RBFOX1: variants seen among roughly 807,000 people sequenced by gnomAD.
RBFOX1 encodes the protein RNA binding fox-1 homolog 1, also known as RNA binding protein fox-1 homolog 1.
In RBFOX1, 8 loss-of-function variants were observed where a neutral mutation model predicts 57.7. The ratio of observed to expected loss-of-function variants is 0.14; its 90% CI spans 0.08 to 0.25. The LOEUF is 0.25. Ranked by LOEUF, RBFOX1 falls within the 10% of genes least tolerant of loss-of-function variation. RBFOX1 has a pLI of 1.00. For missense variants in RBFOX1, 611 were observed against 548.5 expected, an observed-to-expected ratio of 1.11 and a Z score of -1.14; for synonymous variants, 326 against 222.4, an observed-to-expected ratio of 1.47 and a Z score of -4.15.
intron 4 of RBFOX1, among the ~76,000 whole-genome samples, chr16:7,422,127 A>T (rs1047098217): frequency 2.6e-5 from 4 of 152,144 alleles, no homozygotes; most frequent in Non-Finnish European, 5.9e-5. Flanking sequence ...ATTCTGGGCC[A>T]CATCGTATTT....
chr16:7,469,403 G>A (rs1201065972), intron 4 of RBFOX1, among the ~76,000 whole-genome samples: 1 of 152,112 alleles, frequency 6.6e-6, no homozygotes, highest in Non-Finnish European at 1.5e-5. Context: ...ATGAGGCTAT[G>A]TTTGTCTCAT....
intron 2 of RBFOX1, among the ~76,000 whole-genome samples, chr16:6,409,409 G>T (rs771079941): frequency 2.6e-5 from 4 of 152,060 alleles, no homozygotes; most frequent in Non-Finnish European, 5.9e-5. Context: ...AGCGAAACCC[G>T]GTCTCAAAAC....
At chr16:6,027,922 A>G (rs2095227105) in intron 1 of RBFOX1, among the ~76,000 whole-genome samples, 2 of 152,238 alleles carry the variant, frequency 1.3e-5, no homozygotes, top group South Asian at 2.1e-4. Flanking sequence ...GGATGCTGAC[A>G]GCAGCCATAT....
chr16:7,266,264 C>T (rs557257846), intron 4 of RBFOX1, among the ~76,000 whole-genome samples: 22 of 152,040 alleles, frequency 1.4e-4, no homozygotes, highest in South Asian at 6.2e-4. Flanking sequence ...TGTGAGCCAC[C>T]GTGCCCGGCC....
chr16:5,266,717 T>C (rs1424411875), intron 1 of RBFOX1, among the ~76,000 whole-genome samples: 2 of 151,448 alleles, frequency 1.3e-5, no homozygotes, highest in African/African-American at 4.9e-5. Context: ...CTTGCCTAAT[T>C]TTTGTATTTA....
intron 3 of RBFOX1, among the ~76,000 whole-genome samples, chr16:6,953,829 A>C (rs915871198): frequency 6.6e-6 from 1 of 152,150 alleles, no homozygotes; most frequent in Admixed American, 6.5e-5. Context: ...GAGAAAAATA[A>C]CTCTTGGATA....
intron 2 of RBFOX1, among the ~76,000 whole-genome samples, chr16:6,386,611 C>T (rs1297270031): frequency 6.6e-6 from 1 of 152,208 alleles, no homozygotes; most frequent in East Asian, 1.9e-4. Flanking sequence ...GGTAAGATGT[C>T]TGTAAAAGAA....
At chr16:6,943,298 T>C (rs2078882881) in intron 3 of RBFOX1, among the ~76,000 whole-genome samples, 1 of 152,094 alleles carries the variant, frequency 6.6e-6, no homozygotes, top group Admixed American at 6.6e-5. Context: ...TTAAAGAGGG[T>C]GTTAAAGCAA....
At chr16:6,955,660 A>G (rs1022276736) in intron 3 of RBFOX1, among the ~76,000 whole-genome samples, 2 of 151,200 alleles carry the variant, frequency 1.3e-5, no homozygotes, top group African/African-American at 4.9e-5. Context: ...CTTTTGCTAC[A>G]CCACCACTTT....
intron 1 of RBFOX1, among the ~76,000 whole-genome samples, chr16:5,391,844 T>G (rs889167542): frequency 6.6e-6 from 1 of 150,912 alleles, no homozygotes; most frequent in African/African-American, 2.4e-5. Flanking sequence ...ACACACCATA[T>G]ATAAAGAAAT....
At chr16:5,472,967 C>G (rs1041205965) in intron 2 of RBFOX1, among the ~76,000 whole-genome samples, 1 of 152,122 alleles carries the variant, frequency 6.6e-6, no homozygotes, top group African/African-American at 2.4e-5. Flanking sequence ...AGACTATGTC[C>G]AGACAGTCTG....
At chr16:6,798,318 A>C (rs900301073) in intron 3 of RBFOX1, among the ~76,000 whole-genome samples, 1 of 152,134 alleles carries the variant, frequency 6.6e-6, no homozygotes, top group Non-Finnish European at 1.5e-5. Context: ...CATTTTTGAT[A>C]AACTCTGAAA....
chr16:5,775,368 T>C (rs960307615), intron 3 of RBFOX1, among the ~76,000 whole-genome samples: 2 of 152,060 alleles, frequency 1.3e-5, no homozygotes, highest in Non-Finnish European at 2.9e-5. Context: ...TTTCTTATAG[T>C]GGAGAAGGCA....
chr16:5,445,223 G>C (rs2068205471), intron 1 of RBFOX1, among the ~76,000 whole-genome samples: 1 of 152,168 alleles, frequency 6.6e-6, no homozygotes, highest in Non-Finnish European at 1.5e-5. Context: ...GGGAGTAGGG[G>C]ACTAATATGA....
At chr16:6,020,247 G>A (rs2095042512) in intron 1 of RBFOX1, among the ~76,000 whole-genome samples, 1 of 152,014 alleles carries the variant, frequency 6.6e-6, no homozygotes, top group Non-Finnish European at 1.5e-5. Context: ...GCCCCAGAGC[G>A]CCCCTCCGAA....
At chr16:6,489,145 G>A (rs767181396) in intron 2 of RBFOX1, among the ~76,000 whole-genome samples, 1 of 152,114 alleles carries the variant, frequency 6.6e-6, no homozygotes, top group African/African-American at 2.4e-5. Flanking sequence ...AGTACGAGAA[G>A]TGCTGGAAAA....
chr16:7,099,693 C>T (rs2151320664), intron 4 of RBFOX1, among the ~76,000 whole-genome samples: 1 of 152,100 alleles, frequency 6.6e-6, no homozygotes, highest in South Asian at 2.1e-4. Context: ...GTAAGATTTG[C>T]ATTGGTTCTA....
intron 1 of RBFOX1, among the ~76,000 whole-genome samples, chr16:6,309,833 G>A (rs1467877575): frequency 2.6e-5 from 4 of 152,132 alleles, no homozygotes; most frequent in Admixed American, 1.3e-4. Flanking sequence ...AACACTAATT[G>A]CATTTAAGTG....
At chr16:7,381,042 G>C (rs532754753) in intron 4 of RBFOX1, among the ~76,000 whole-genome samples, 13 of 152,226 alleles carry the variant, frequency 8.5e-5, no homozygotes, top group Non-Finnish European at 1.9e-4. Flanking sequence ...GTCTACATGA[G>C]TGTTTAATAT....
Sources: allele counts gnomAD v4.1 joint callset (sites outside exome capture counted in the v4.1 genomes callset), GRCh38; gene constraint gnomAD v4.1.1; transcripts MANE v1.5; gene names NCBI Gene and HGNC (gene_info 2026-07-23, HGNC 2026-07-21).